Variants in SLIT3 observed in about 807,000 individuals in gnomAD.
SLIT3 encodes the protein slit homolog 3 protein.
SLIT3 carries 68 observed loss-of-function variants against 184.0 expected under a neutral mutation model. The ratio of observed to expected loss-of-function variants is 0.37; its 90% CI spans 0.30 to 0.45. SLIT3 has a LOEUF of 0.45. Among genes scored for constraint, SLIT3 ranks in the 20% least tolerant of loss-of-function variants. The pLI is 1.00. For missense variants in SLIT3, 1,707 were observed against 2,026.0 expected (o/e 0.84, Z 3.02); for synonymous variants, 831 against 828.6 (o/e 1.00, Z -0.05).
At chr5:168,672,133 C>T (rs1761273119) in intron 33 of SLIT3, among the ~76,000 whole-genome samples, 1 of 152,144 alleles carries the variant, frequency 6.6e-6, no homozygotes, top group Non-Finnish European at 1.5e-5. Flanking sequence ...TAGTTGAGAG[C>T]CTGGGACTGG....
At chr5:168,842,557 G>A (rs1333169343) in intron 6 of SLIT3, among the ~76,000 whole-genome samples, 1 of 149,370 alleles carries the variant, frequency 6.7e-6, no homozygotes, top group South Asian at 2.1e-4. Flanking sequence ...GGGTGTATGG[G>A]GGCAAAGTTA....
intron 5 of SLIT3, among the ~76,000 whole-genome samples, chr5:168,857,714 G>A (rs899530648): frequency 1.2e-4 from 18 of 152,170 alleles, no homozygotes; most frequent in African/African-American, 3.6e-4. Flanking sequence ...AATTTACTCC[G>A]GTTTTGAACA....
chr5:168,939,563 A>G (rs1009004926), intron 4 of SLIT3, among the ~76,000 whole-genome samples: 1 of 152,284 alleles, frequency 6.6e-6, no homozygotes, highest in African/African-American at 2.4e-5. Flanking sequence ...AAACACATTC[A>G]GCAACTTTAA....
At chr5:169,036,201 C>T (rs1192950949) in intron 4 of SLIT3, 1 of 152,176 alleles carries the variant, frequency 6.6e-6, no homozygotes, top group Non-Finnish European at 1.5e-5. Context: ...GGAGGAAGCT[C>T]CAAATAGAGG....
At chr5:169,121,251 A>G (rs936067057) in intron 4 of SLIT3, among the ~76,000 whole-genome samples, 2 of 152,182 alleles carry the variant, frequency 1.3e-5, no homozygotes, top group East Asian at 3.8e-4. Flanking sequence ...AGGAACTCCA[A>G]TACCTTAAAC....
At chr5:169,290,962 G>C (rs945743219) in intron 1 of SLIT3, among the ~76,000 whole-genome samples, 2 of 152,140 alleles carry the variant, frequency 1.3e-5, no homozygotes, top group Non-Finnish European at 2.9e-5. Flanking sequence ...AAAAACCCAA[G>C]AGGTAGACAA....
chr5:169,198,662 G>T (rs1388418346), intron 3 of SLIT3, among the ~76,000 whole-genome samples: 1 of 152,130 alleles, frequency 6.6e-6, no homozygotes, highest in African/African-American at 2.4e-5. Flanking sequence ...GGCCGGGCGT[G>T]GTGGCTCATG....
chr5:169,029,665 G>A (rs925034076), intron 4 of SLIT3, among the ~76,000 whole-genome samples: 19 of 152,154 alleles, frequency 1.2e-4, no homozygotes, highest in African/African-American at 4.3e-4. Flanking sequence ...CCTGTGTTTT[G>A]CAAACAAGAG....
intron 1 of SLIT3, chr5:169,263,760 G>T: frequency 2.0e-6 from 1 of 488,364 alleles, no homozygotes; most frequent in Admixed American, 2.5e-5. Flanking sequence ...CTGAACTTCT[G>T]AACTTCTGGA....
At chr5:168,988,672 T>C (rs572328409) in intron 4 of SLIT3, among the ~76,000 whole-genome samples, 1 of 152,206 alleles carries the variant, frequency 6.6e-6, no homozygotes, top group South Asian at 2.1e-4. Flanking sequence ...TTAACATGCA[T>C]ACGTTATATA....
intron 1 of SLIT3, among the ~76,000 whole-genome samples, chr5:169,291,029 A>G (rs1186495916): frequency 7.9e-5 from 12 of 152,160 alleles, no homozygotes. Flanking sequence ...CACTGCTGCC[A>G]AAGTGCGGAA....
intron 4 of SLIT3, among the ~76,000 whole-genome samples, chr5:169,081,201 C>A (rs181748974): frequency 5.3e-5 from 8 of 152,332 alleles, no homozygotes; most frequent in South Asian, 2.1e-4. Flanking sequence ...CTCTGCCTCC[C>A]GCTCTGGGGC....
chr5:169,044,383 T>A (rs372168550), intron 4 of SLIT3, among the ~76,000 whole-genome samples: 11 of 152,148 alleles, frequency 7.2e-5, no homozygotes, highest in African/African-American at 2.4e-4. Context: ...AGGTGGAACA[T>A]GCAATGGAAT....
intron 2 of SLIT3, among the ~76,000 whole-genome samples, chr5:169,249,922 G>A (rs1222286281): frequency 6.6e-6 from 1 of 152,242 alleles, no homozygotes; most frequent in Non-Finnish European, 1.5e-5. Context: ...TGGAGTCCCA[G>A]GATTCAGATT....
At chr5:169,162,898 G>A (rs1284121346) in intron 4 of SLIT3, among the ~76,000 whole-genome samples, 1 of 152,074 alleles carries the variant, frequency 6.6e-6, no homozygotes, top group African/African-American at 2.4e-5. Flanking sequence ...ATAATAGGAA[G>A]GTAAGGTAGG....
chr5:168,967,526 G>A (rs1279066452), intron 4 of SLIT3, among the ~76,000 whole-genome samples: 161 of 115,156 alleles, frequency 1.4e-3, no homozygotes, highest in African/African-American at 4.7e-3. Context: ...TGCAAGCTCC[G>A]CCTCCCGGGT....
intron 20 of SLIT3, among the ~76,000 whole-genome samples, chr5:168,736,146 T>C (rs920720658): frequency 2.1e-4 from 32 of 152,206 alleles, no homozygotes; most frequent in African/African-American, 7.7e-4. Context: ...TTATCTGTCA[T>C]GGTAGCCACT....
chr5:169,195,596 G>A (rs753723037), intron 3 of SLIT3, among the ~76,000 whole-genome samples: 4 of 152,256 alleles, frequency 2.6e-5, no homozygotes, highest in Admixed American at 1.3e-4. Context: ...GTGCAATCTC[G>A]GCTCGCTGCA....
Position 168,917,784 on chromosome 5 carries a change from TCGCAG to T in SLIT3, c.414-34453_414-34449del, listed in dbSNP as rs368211433. 4.2e-3 allele frequency among the ~76,000 whole-genome samples: 639 copies of T among 152,330 alleles called. 6 individuals are homozygous for T. Among genetic ancestry groups the T allele is most frequent in the African/African-American group, 0.015 (616 of 41,570 alleles). On this transcript the variant is annotated intron_variant, in intron 4 of 35. Coordinates refer to ENST00000519560, the MANE Select transcript of SLIT3 (RefSeq NM_003062.4). ...CTCTTTGGAGAAGCCAAGGAAACCTTCGCAGCAGTATTGTGTGATTCTTTTTTCCC... is the reference window on the plus strand; with the variant it reads ...CTCTTTGGAGAAGCCAAGGAAACCTTCAGTATTGTGTGATTCTTTTTTCCC...
Sources: allele counts gnomAD v4.1 joint callset (sites outside exome capture counted in the v4.1 genomes callset), GRCh38; gene constraint gnomAD v4.1.1; transcripts MANE v1.5; gene names NCBI Gene and HGNC (gene_info 2026-07-23, HGNC 2026-07-21).